Variants in WDFY4 observed in about 807,000 individuals in gnomAD.
WDFY4 encodes the protein WD repeat- and FYVE domain-containing protein 4.
WDFY4 carries 169 observed loss-of-function variants against 351.9 expected under a neutral mutation model. The observed-to-expected ratio is 0.48, with a 90% CI of 0.42 to 0.55. The LOEUF (loss-of-function observed/expected upper bound fraction) is 0.55. WDFY4 is among the 20% of genes least tolerant of loss of function. The probability of loss-of-function intolerance (pLI) is 0.00; values close to 1 mark genes in which losing one functional copy is unlikely to be tolerated. For missense variants in WDFY4, 3,803 were observed against 3,935.6 expected (o/e 0.97, Z 0.90); for synonymous variants, 1,622 against 1,574.6 (o/e 1.03, Z -0.71).
chr10:48,966,499 ATG>A, intron 54 of WDFY4, 25 bp from the exon 55 acceptor site: 1 of 1,546,892 alleles, frequency 6.5e-7, no homozygotes, highest in Non-Finnish European at 8.7e-7. Context: ...CTCTCCCCTC[ATG>A]TGTGTCTGTT....
intron 19 of WDFY4, among the ~76,000 whole-genome samples, chr10:48,785,281 T>C (rs2066369067): frequency 6.6e-6 from 1 of 152,200 alleles, no homozygotes; most frequent in Non-Finnish European, 1.5e-5. Context: ...TGATTTGCGA[T>C]AATTCCTCCT....
chr10:48,817,188 T>A, intron 31 of WDFY4, 57 bp from the exon 32 acceptor site: 6 of 1,534,392 alleles, frequency 3.9e-6, no homozygotes, highest in Non-Finnish European at 5.3e-6. Flanking sequence ...CTCCTCTGGT[T>A]AGGGAGGCAG....
intron 40 of WDFY4, among the ~76,000 whole-genome samples, chr10:48,870,505 A>G (rs900859871): frequency 2.0e-5 from 3 of 151,602 alleles, no homozygotes; most frequent in African/African-American, 7.3e-5. Context: ...TGATCATGCC[A>G]CTGCTTTCTA....
intron 32 of WDFY4, among the ~76,000 whole-genome samples, chr10:48,818,931 C>T (rs373414116): frequency 3.0e-4 from 45 of 152,208 alleles, no homozygotes; most frequent in African/African-American, 1.1e-3. Flanking sequence ...CCTACAGGCT[C>T]CCCCTCGACA....
chr10:48,701,578 G>A (rs950927126), intron 1 of WDFY4, among the ~76,000 whole-genome samples: 1 of 152,226 alleles, frequency 6.6e-6, no homozygotes, highest in African/African-American at 2.4e-5. Context: ...CTGAGGCCAA[G>A]GAAGGGCCCT....
chr10:48,976,475 C>A lies in WDFY4; in HGVS notation c.9109-322C>A, dbSNP rs190059785. The A allele has an allele frequency of 2.5e-3, 480 of 195,844 alleles. 1 individual carries two copies. Among genetic ancestry groups the A allele is most frequent in the African/African-American group, 0.011 (457 of 43,504 alleles). 12.1% of individuals were successfully genotyped at this position (195,844 alleles called of 1,614,324 possible). A position where few individuals can be genotyped will look rare whatever the true frequency, so the allele number is the denominator to read the frequency against. On this transcript the variant is annotated intron_variant, in intron 58 of 61. Coordinates refer to ENST00000325239, the MANE Select transcript of WDFY4 (RefSeq NM_001394531.1). ...GCTGTGTGTCCAAAGCCAGGGCTAC[C>A]CTTCAGGCTGGATCTTCTGTGGCAG... is the stretch of plus-strand genomic sequence containing the variant.
At position 48,720,589 on chromosome 10, in the gene WDFY4, C is replaced by T. The variant is rs140877957; in HGVS notation, c.349+464C>T. On this transcript the variant is annotated intron_variant, in intron 3 of 61. Coordinates refer to ENST00000325239, the MANE Select transcript of WDFY4 (RefSeq NM_001394531.1). The stretch of plus-strand genomic sequence containing the variant: ...GACACACACTCTACACATGCAGACA[C>T]ACCCAGAACACACTACACACAGATA... 1.1e-4 allele frequency among the ~76,000 whole-genome samples: 16 copies of T among 152,010 alleles called. No individual in the cohort carries two copies. In the East Asian group the frequency reaches 2.3e-3, roughly 22 times the overall value.
intron 35 of WDFY4, chr10:48,823,694 T>C: frequency 1.0e-6 from 1 of 996,602 alleles, no homozygotes; most frequent in Non-Finnish European, 1.2e-6. Context: ...TCCCTATGGC[T>C]AAAGCATGGA....
chr10:48,787,891 CTCCTTCTTCTT>C (rs2066494128), intron 20 of WDFY4, among the ~76,000 whole-genome samples: 17 of 66,790 alleles, frequency 2.5e-4, no homozygotes, highest in African/African-American at 1.7e-3. Context: ...TCTTCTTCTT[CTCCTTCTTCTT>C]CTTCTTCTTC....
At chr10:48,763,750 A>G (rs2065584768) in intron 13 of WDFY4, among the ~76,000 whole-genome samples, 1 of 152,246 alleles carries the variant, frequency 6.6e-6, no homozygotes, top group African/African-American at 2.4e-5. Flanking sequence ...GGAAAAGTCT[A>G]ATTCTCCCTC....
At chr10:48,834,098 T>C (rs534193751) in intron 39 of WDFY4, among the ~76,000 whole-genome samples, 2 of 152,338 alleles carry the variant, frequency 1.3e-5, no homozygotes, top group South Asian at 4.1e-4. Context: ...AAAGCACATG[T>C]CTTATTCAGG....
intron 39 of WDFY4, among the ~76,000 whole-genome samples, chr10:48,861,140 A>G (rs976600059): frequency 3.3e-5 from 5 of 152,168 alleles, no homozygotes; most frequent in Non-Finnish European, 4.4e-5. Context: ...ATAGTTTTAA[A>G]TATTTTCTCT....
At position 48,882,545 on chromosome 10, in the gene WDFY4, GGTTT is replaced by G. The variant is rs1424280471; in HGVS notation, c.7167+5347_7167+5350del. Among the ~76,000 whole-genome samples, 4 of 152,082 alleles carry G rather than the reference GGTTT, an allele frequency of 2.6e-5. No homozygotes were observed. In the East Asian group the frequency reaches 7.7e-4, roughly 29 times the overall value. The stretch of plus-strand genomic sequence containing the variant: ...GATGGGGTAATTTATAATGAAAAGA[GGTTT>G]AGTTGGCTCACAGTCCGCAGGGTGT... On this transcript the variant is annotated intron_variant, in intron 43 of 61. Transcript: ENST00000325239.
At chr10:48,762,317 C>T (rs2065533043) in intron 13 of WDFY4, among the ~76,000 whole-genome samples, 1 of 152,198 alleles carries the variant, frequency 6.6e-6, no homozygotes, top group African/African-American at 2.4e-5. Flanking sequence ...AGGCCTGACC[C>T]AGTTTCATGT....
At chr10:48,910,900 G>A (rs1486947615) in intron 47 of WDFY4, 8 of 984,990 alleles carry the variant, frequency 8.1e-6, no homozygotes, top group Admixed American at 1.2e-4. Flanking sequence ...CTGTAACCTC[G>A]ATGTTTCTCT....
intron 56 of WDFY4, 92 bp downstream of exon 56, chr10:48,969,340 G>A (rs1175781782): frequency 4.5e-5 from 65 of 1,431,888 alleles, no homozygotes; most frequent in Non-Finnish European, 6.1e-5. Context: ...TGAGTCCAAA[G>A]CAACCTCGCT....
chr10:48,821,193 G>A lies in WDFY4; in HGVS notation c.5824+17G>A, dbSNP rs148959085. ...TGTTCAGAGGTGAGTGGGGCAACTCGGTCCCCTCCATTCATGACATGAGGC... is the reference window on the plus strand; with the variant it reads ...TGTTCAGAGGTGAGTGGGGCAACTCAGTCCCCTCCATTCATGACATGAGGC... On this transcript the variant is annotated intron_variant, in intron 34 of 61. Coordinates refer to ENST00000325239, the MANE Select transcript of WDFY4 (RefSeq NM_001394531.1). 1,179 of 1,532,992 alleles carry A rather than the reference G, an allele frequency of 7.7e-4. 3 individuals are homozygous for A. The African/African-American group carries it at 0.013, about 16-fold the overall frequency. The allele number at this position is 1,532,992 out of a possible 1,614,324, so 95.0% of individuals were successfully genotyped here.
At chr10:48,705,292 CTA>C (rs2063596694) in intron 1 of WDFY4, among the ~76,000 whole-genome samples, 1 of 152,210 alleles carries the variant, frequency 6.6e-6, no homozygotes, top group Non-Finnish European at 1.5e-5. Flanking sequence ...ACTTTGATCT[CTA>C]AAACTGTTGC....
At chr10:48,944,328 C>T (rs577836055) in intron 49 of WDFY4, among the ~76,000 whole-genome samples, 2 of 152,308 alleles carry the variant, frequency 1.3e-5, no homozygotes, top group Non-Finnish European at 2.9e-5. Context: ...AAGAACAGAT[C>T]CCTCATCTCT....
Sources: gnomAD v4.1 joint callset for allele counts (sites outside exome capture counted in the v4.1 genomes callset) on GRCh38, gnomAD v4.1.1 for gene constraint, MANE v1.5 for transcripts, NCBI Gene and HGNC (gene_info 2026-07-23, HGNC 2026-07-21) for gene names.